The following SRRM4 variants were observed in gnomAD, a reference collection of about 807,000 sequenced individuals.
The protein encoded by SRRM4 is serine/arginine repetitive matrix protein 4.
A neutral mutation model predicts 68.9 loss-of-function variants in SRRM4; 33 were observed. That is an observed-to-expected ratio of 0.48 (90% confidence interval 0.36 to 0.64). SRRM4 has a LOEUF of 0.64. SRRM4 is among the 30% of genes least tolerant of loss of function. The pLI is 0.00. For missense variants in SRRM4, 817 were observed against 827.1 expected (o/e 0.99, Z 0.15); for synonymous variants, 318 against 318.8 (o/e 1.00, Z 0.03).
At chr12:119,070,094 T>C (rs1953868552) in intron 1 of SRRM4, among the ~76,000 whole-genome samples, 1 of 152,126 alleles carries the variant, frequency 6.6e-6, no homozygotes, top group Admixed American at 6.5e-5. Flanking sequence ...TTCTTAAAAT[T>C]TGTGCATGAA....
chr12:119,086,311 T>C (rs1186272151), intron 1 of SRRM4, among the ~76,000 whole-genome samples: 1 of 152,174 alleles, frequency 6.6e-6, no homozygotes, highest in Admixed American at 6.5e-5. Flanking sequence ...GCAGTTTCAT[T>C]GTGGCTGAGA....
At chr12:119,123,115 A>G (rs1226401495) in intron 6 of SRRM4, among the ~76,000 whole-genome samples, 1 of 152,204 alleles carries the variant, frequency 6.6e-6, no homozygotes, top group Admixed American at 6.5e-5. Flanking sequence ...ATCAAAGACA[A>G]TAAGATGAAA....
intron 1 of SRRM4, chr12:119,001,057 C>A (rs552753058): frequency 6.6e-6 from 1 of 152,290 alleles, no homozygotes; most frequent in Admixed American, 6.5e-5. Flanking sequence ...GCAAGATTAT[C>A]AGCTAAAACA....
chr12:119,017,457 G>C (rs146897953), intron 1 of SRRM4, among the ~76,000 whole-genome samples: 121 of 152,306 alleles, frequency 7.9e-4, no homozygotes, highest in African/African-American at 2.8e-3. Context: ...TTGTGTGTCT[G>C]GGCTGAAGAC....
intron 1 of SRRM4, among the ~76,000 whole-genome samples, chr12:119,076,605 T>C (rs1443946720): frequency 6.6e-6 from 1 of 152,094 alleles, no homozygotes; most frequent in African/African-American, 2.4e-5. Context: ...AATAAAAGCG[T>C]TTGAGGAGAA....
At chr12:119,095,507 C>G (rs749291226) in intron 1 of SRRM4, among the ~76,000 whole-genome samples, 1 of 152,124 alleles carries the variant, frequency 6.6e-6, no homozygotes, top group Non-Finnish European at 1.5e-5. Context: ...GTTCACCATG[C>G]TGCTGCTGCA....
chr12:119,047,497 T>C (rs1953715258), intron 1 of SRRM4, among the ~76,000 whole-genome samples: 1 of 152,138 alleles, frequency 6.6e-6, no homozygotes. Flanking sequence ...CCACCCTTTT[T>C]CCCCAAGTCC....
intron 1 of SRRM4, among the ~76,000 whole-genome samples, chr12:119,034,702 T>C (rs1445434897): frequency 6.6e-6 from 1 of 152,222 alleles, no homozygotes; most frequent in African/African-American, 2.4e-5. Flanking sequence ...CCTTATGGCT[T>C]AAATCTGCTG....
Position 119,154,086 on chromosome 12 carries a change from C to A in SRRM4, c.1392-157C>A, listed in dbSNP as rs1954456860. ...CAACCCTCGCAGACTCTTACCGCAG[C>A]CCCGTCATCCTCCCTCCGGTCTCCC... On this transcript the variant is annotated intron_variant, in intron 11 of 12. Transcript: ENST00000267260. The surrounding 1 kb of genome is among the most constrained non-coding windows in gnomAD (Gnocchi z 4.7). Among the ~76,000 whole-genome samples, 1 of 152,122 alleles carries A rather than the reference C, an allele frequency of 6.6e-6. No homozygotes were observed. Among genetic ancestry groups the A allele is most frequent in the Non-Finnish European group, 1.5e-5 (1 of 68,020 alleles).
intron 1 of SRRM4, among the ~76,000 whole-genome samples, chr12:119,095,130 T>C (rs74465603): frequency 6.6e-6 from 1 of 152,198 alleles, no homozygotes; most frequent in South Asian, 2.1e-4. Context: ...CCAGGCTTAA[T>C]GAACTGGATT....
In SRRM4 at chr12:119,007,917, C is replaced by T. The variant is rs567919102; in HGVS notation, c.131+25904C>T. ...CTGTGTGCTTTTGGGTAGCCTGACT[C>T]CCTTCTCCAGTGGGGAGGCCTCTCT... On this transcript the variant is annotated intron_variant, in intron 1 of 12. Transcript: ENST00000267260. Among the ~76,000 whole-genome samples the T allele has an allele frequency of 3.3e-5, 5 of 152,242 alleles. No individual in the cohort carries two copies. In the South Asian group the frequency reaches 1.0e-3, roughly 32 times the overall value.
intron 2 of SRRM4, among the ~76,000 whole-genome samples, chr12:119,107,247 A>C (rs1954112951): frequency 6.6e-6 from 1 of 152,200 alleles, no homozygotes; most frequent in African/African-American, 2.4e-5. Flanking sequence ...TTTTCGCATC[A>C]ATGTTCATCA....
chr12:119,041,777 G>A (rs907548067), intron 1 of SRRM4, among the ~76,000 whole-genome samples: 3 of 152,188 alleles, frequency 2.0e-5, no homozygotes, highest in African/African-American at 7.2e-5. Flanking sequence ...TTTTTAGAGA[G>A]GGAACAGTGG....
intron 7 of SRRM4, among the ~76,000 whole-genome samples, chr12:119,128,154 C>T (rs922332528): frequency 2.6e-5 from 4 of 152,102 alleles, no homozygotes; most frequent in African/African-American, 9.7e-5. Context: ...AGAATATCAC[C>T]ATCCAACAAG....
chr12:119,040,541 T>C (rs563664032), intron 1 of SRRM4, among the ~76,000 whole-genome samples: 2 of 152,366 alleles, frequency 1.3e-5, no homozygotes, highest in East Asian at 1.9e-4. Context: ...TTCCTTTTTA[T>C]GGCTGAGTAG....
Position 119,156,942 on chromosome 12 carries a change from G to T in SRRM4, c.*144G>T. 1 of 1,056,104 alleles carries T rather than the reference G, an allele frequency of 9.5e-7. No individual in the cohort carries two copies. Among genetic ancestry groups the T allele is most frequent in the Non-Finnish European group, 1.3e-6 (1 of 754,612 alleles). The allele number at this position is 1,056,104 out of a possible 1,614,324, so 65.4% of individuals were successfully genotyped here. A position where few individuals can be genotyped will look rare whatever the true frequency, so the allele number is the denominator to read the frequency against. On this transcript the variant is annotated 3_prime_UTR_variant, in exon 13 of 13. Coordinates refer to ENST00000267260, the MANE Select transcript of SRRM4 (RefSeq NM_194286.4). ...CTTGCCTAGGGGAAGAGGAGAAGAGGGTAAGGGGGCTTCACTCTCTAGATC... is the reference window on the plus strand; with the variant it reads ...CTTGCCTAGGGGAAGAGGAGAAGAGTGTAAGGGGGCTTCACTCTCTAGATC...
At chr12:119,089,443 A>C (rs1244103845) in intron 1 of SRRM4, among the ~76,000 whole-genome samples, 1 of 152,342 alleles carries the variant, frequency 6.6e-6, no homozygotes, top group South Asian at 2.1e-4. Flanking sequence ...CATTTCCTAC[A>C]GGTGGGAACA....
intron 1 of SRRM4, chr12:119,001,471 AGCATT>A (rs1157553337): frequency 3.3e-5 from 5 of 152,206 alleles, no homozygotes; most frequent in African/African-American, 1.2e-4. Context: ...TATTAAGGTG[AGCATT>A]TCAGGCTTCT....
intron 1 of SRRM4, among the ~76,000 whole-genome samples, chr12:119,002,971 C>T (rs909538932): frequency 2.7e-5 from 4 of 150,450 alleles, no homozygotes; most frequent in African/African-American, 7.2e-5. Context: ...CCCTTTAAGG[C>T]GGGCACATTT....
Sources: gnomAD v4.1 joint callset for allele counts (sites outside exome capture counted in the v4.1 genomes callset) on GRCh38, gnomAD v4.1.1 for gene constraint, Gnocchi (gnomAD v3.1) non-coding constraint, MANE v1.5 for transcripts, NCBI Gene and HGNC (gene_info 2026-07-23, HGNC 2026-07-21) for gene names.